SFXN5: variants seen among roughly 807,000 people sequenced by gnomAD.
SFXN5 encodes sideroflexin 5.
In SFXN5, 43 loss-of-function variants were observed where a neutral mutation model predicts 50.2. The ratio of observed to expected loss-of-function variants is 0.86; its 90% confidence interval spans 0.67 to 1.11. SFXN5 has a LOEUF of 1.11. SFXN5 is among the 50% of genes least tolerant of loss of function. SFXN5 has a pLI of 0.00. For missense variants in SFXN5, 463 were observed against 454.1 expected (o/e 1.02, Z -0.18); for synonymous variants, 203 against 185.8 (o/e 1.09, Z -0.75).
At chr2:72,968,572 A>G in intron 11 of SFXN5, 39 bp from the exon 12 acceptor site, 10 of 1,598,702 alleles carry the variant, frequency 6.3e-6, no homozygotes, top group African/African-American at 1.3e-5. Flanking sequence ...GGGGCCTGAC[A>G]GCTGGTGACA....
At chr2:73,009,364 G>T (rs1675187399) in intron 6 of SFXN5, among the ~76,000 whole-genome samples, 1 of 152,236 alleles carries the variant, frequency 6.6e-6, no homozygotes, top group Non-Finnish European at 1.5e-5. Flanking sequence ...CGAGGCAGTG[G>T]CCCAGGGGTG....
intron 6 of SFXN5, among the ~76,000 whole-genome samples, chr2:73,004,969 T>C (rs1674433357): frequency 6.6e-6 from 1 of 152,204 alleles, no homozygotes; most frequent in Non-Finnish European, 1.5e-5. Flanking sequence ...CCGCTGCCCT[T>C]TCCAGAACAT....
At chr2:72,991,950 T>G (rs946939174) in intron 9 of SFXN5, among the ~76,000 whole-genome samples, 21 of 152,152 alleles carry the variant, frequency 1.4e-4, no homozygotes, top group Non-Finnish European at 2.5e-4. Flanking sequence ...AGCCACAAAA[T>G]AGAAATTAAC....
intron 3 of SFXN5, among the ~76,000 whole-genome samples, chr2:73,032,831 A>C (rs1678484962): frequency 6.6e-6 from 1 of 152,214 alleles, no homozygotes; most frequent in South Asian, 2.1e-4. Flanking sequence ...AACAAAAAAA[A>C]CTTCCTAATT....
intron 3 of SFXN5, among the ~76,000 whole-genome samples, chr2:73,037,194 G>T (rs1480156521): frequency 6.6e-6 from 1 of 152,210 alleles, no homozygotes; most frequent in East Asian, 1.9e-4. Flanking sequence ...AGCCCTGTCA[G>T]CCCTCATATC....
chr2:72,970,017 C>T (rs1387481863), intron 11 of SFXN5, among the ~76,000 whole-genome samples: 1 of 152,148 alleles, frequency 6.6e-6, no homozygotes, highest in African/African-American at 2.4e-5. Flanking sequence ...TCACAGCCCA[C>T]AGATGCCTGG....
chr2:72,947,528 G>A (rs1417462106), intron 13 of SFXN5, among the ~76,000 whole-genome samples: 4 of 152,186 alleles, frequency 2.6e-5, no homozygotes, highest in East Asian at 3.8e-4. Flanking sequence ...CTAGACACCC[G>A]CCATATGTCA....
intron 3 of SFXN5, among the ~76,000 whole-genome samples, chr2:73,035,238 C>A (rs1314409754): frequency 1.3e-5 from 2 of 152,162 alleles, no homozygotes; most frequent in East Asian, 3.9e-4. Flanking sequence ...GCCCCACCCA[C>A]CTCCTCCATC....
chr2:73,000,637 T>A, intron 7 of SFXN5, 150 bp from the exon 8 acceptor site: 1 of 742,132 alleles, frequency 1.3e-6, no homozygotes, highest in Non-Finnish European at 2.2e-6. Flanking sequence ...TCAGCATGAC[T>A]GACCGTCCTG....
At chr2:72,966,395 C>T (rs560707167) in intron 12 of SFXN5, among the ~76,000 whole-genome samples, 4 of 152,314 alleles carry the variant, frequency 2.6e-5, no homozygotes, top group South Asian at 2.1e-4. Context: ...CCTGTGTGTA[C>T]TTGCAGTCAC....
In SFXN5 at chr2:73,040,855, T is replaced by C; in HGVS notation, c.248A>G (p.Gln83Arg). The C allele has an allele frequency of 6.2e-7, 1 of 1,609,612 alleles. No homozygotes were observed. Among genetic ancestry groups the C allele is most frequent in the African/African-American group, 1.3e-5 (1 of 74,914 alleles). ...TGCTCCCACCTCCCACAGAGTTACC[T>C]GTTCATTGGTGACCCCCGGGCGCAG... Reference protein sequence around the residue: ...GTLRPGVTNEQLWSAQKIKQA... With the variant: ...GTLRPGVTNERLWSAQKIKQA... The change falls in exon 3 of 14, where the codon CAG becomes CGG. Residue 83 changes from glutamine (Q) to arginine (R), a missense_variant and splice_region_variant. By Grantham distance (43) the Gln-to-Arg change is conservative. Coordinates refer to ENST00000272433, the MANE Select transcript of SFXN5 (RefSeq NM_144579.3).
chr2:72,983,331 T>C (rs537302456), intron 10 of SFXN5, among the ~76,000 whole-genome samples: 1 of 152,306 alleles, frequency 6.6e-6, no homozygotes, highest in Non-Finnish European at 1.5e-5. Flanking sequence ...CACCGAGATC[T>C]TTTCATGGCA....
chr2:73,017,755 A>G (rs1360611015), intron 6 of SFXN5, among the ~76,000 whole-genome samples: 1 of 152,216 alleles, frequency 6.6e-6, no homozygotes, highest in East Asian at 1.9e-4. Context: ...ATGAATTTTT[A>G]CAAGTTGTAT....
intron 6 of SFXN5, among the ~76,000 whole-genome samples, chr2:73,012,734 T>C (rs1005613386): frequency 2.6e-4 from 39 of 148,006 alleles, no homozygotes; most frequent in African/African-American, 9.6e-4. Flanking sequence ...ATAATACAGG[T>C]GTTAAGAAAG....
Position 72,944,906 on chromosome 2 carries a change from G to T in SFXN5, c.*116C>A. 1.2e-6 allele frequency: 1 copy of T among 865,176 alleles called. No homozygotes were observed. The highest frequency in any genetic ancestry group is 1.8e-6 in the Non-Finnish European group (1 of 548,572). 53.6% of individuals were successfully genotyped at this position (865,176 alleles called of 1,614,324 possible). On this transcript the variant is annotated 3_prime_UTR_variant, in exon 14 of 14. Coordinates refer to ENST00000272433, the MANE Select transcript of SFXN5 (RefSeq NM_144579.3). ...CTGTAGGTTGAGCACTCTCCCAGGG[G>T]GCCCAGGACTGCTGGGGTTGGCGTG...
rs1009880468 is a variant in SFXN5 at position 73,020,259 on chromosome 2, T to C, written c.337A>G (p.Ile113Val). ...CTTACAATTGGCGTCCCAAAAGGAA[T>C]ATAACCTGTGAACGAGAAGAAAAGA... ...IFMPFRMSGYIPFGTPIVVGL... is the reference protein window; with the variant it reads ...IFMPFRMSGYVPFGTPIVVGL... The change falls in exon 6 of 14, where the codon ATT becomes GTT. Residue 113 changes from isoleucine to valine, a missense_variant. By Grantham distance (29) the Ile-to-Val change is conservative. Transcript: ENST00000272433. 3.1e-6 allele frequency: 5 copies of C among 1,613,940 alleles called. No homozygotes were observed. The highest frequency in any genetic ancestry group is 4.2e-6 in the Non-Finnish European group (5 of 1,179,952).
rs1168959441 is a variant in SFXN5 at position 73,047,307 on chromosome 2, A to ATG, written c.172-6378_172-6377dup. ...ATATATATATATATATAAAATATAT[A>ATG]TGTGTGTGTATGTATATATATGTGT... On this transcript the variant is annotated intron_variant, in intron 2 of 13. Coordinates refer to ENST00000272433, the MANE Select transcript of SFXN5 (RefSeq NM_144579.3). Among the ~76,000 whole-genome samples the ATG allele has an allele frequency of 3.2e-3, 221 of 68,212 alleles. 1 individual carries two copies. Among genetic ancestry groups the ATG allele is most frequent in the African/African-American group, 0.01 (209 of 20,256 alleles). The allele number at this position is 68,212 out of a possible 152,430, so 44.7% of individuals were successfully genotyped here. A position where few individuals can be genotyped will look rare whatever the true frequency, so the allele number is the denominator to read the frequency against.
At chr2:73,065,449 G>A (rs1683104321) in intron 1 of SFXN5, among the ~76,000 whole-genome samples, 1 of 151,830 alleles carries the variant, frequency 6.6e-6, no homozygotes, top group South Asian at 2.1e-4. Flanking sequence ...TGCCCAGGCT[G>A]GAGTGCAATG....
intron 3 of SFXN5, among the ~76,000 whole-genome samples, chr2:73,028,694 G>C (rs1178737346): frequency 1.3e-5 from 2 of 152,172 alleles, no homozygotes; most frequent in East Asian, 3.9e-4. Context: ...GCTCTGCCTA[G>C]AAATACTGAT....
Sources: gnomAD v4.1 joint callset for allele counts (sites outside exome capture counted in the v4.1 genomes callset) on GRCh38, gnomAD v4.1.1 for gene constraint, MANE v1.5 for transcripts, NCBI Gene and HGNC (gene_info 2026-07-23, HGNC 2026-07-21) for gene names.